Variants in RASEF observed in about 807,000 individuals in gnomAD.
RASEF encodes ras and EF-hand domain-containing protein.
In RASEF, 68 loss-of-function variants were observed where a neutral mutation model predicts 90.1. That is an observed-to-expected ratio of 0.75 (90% CI 0.62 to 0.92). The LOEUF (loss-of-function observed/expected upper bound fraction) is 0.92, where lower values mean the gene tolerates loss of function less well. RASEF is among the 40% of genes least tolerant of loss of function. The pLI is 0.00. For missense variants in RASEF, 949 were observed against 937.2 expected, an observed-to-expected ratio of 1.01 and a Z score of -0.16; for synonymous variants, 331 against 345.2, an observed-to-expected ratio of 0.96 and a Z score of 0.46.
chr9:82,984,185 A>G lies in RASEF; in HGVS notation c.2118-1403T>C, dbSNP rs999411178. Among the ~76,000 whole-genome samples, 220 of 152,338 alleles carry G rather than the reference A, an allele frequency of 1.4e-3. 1 individual carries two copies. The highest frequency in any genetic ancestry group is 5.0e-3 in the African/African-American group (206 of 41,570). ...TTTTAAAAGGTAAAAAGAAATAGGT[A>G]AAATTAATTTTATTAATATATTTTA... On this transcript the variant is annotated intron_variant, in intron 16 of 16. Transcript: ENST00000376447.
chr9:82,985,957 T>G (rs138476321), intron 16 of RASEF, among the ~76,000 whole-genome samples: 126 of 152,292 alleles, frequency 8.3e-4, no homozygotes, highest in Middle Eastern at 6.8e-3. Context: ...ACCATGGCTA[T>G]GGCGTTTCCG....
At chr9:83,145,319 C>T in the RASEF span, among the ~76,000 whole-genome samples, 1 of 152,060 alleles carries the variant, frequency 6.6e-6, no homozygotes, top group African/African-American at 2.4e-5. Context: ...AGCCCAGATC[C>T]CCCATCCAGG....
At chr9:83,150,751 T>A in the RASEF span, among the ~76,000 whole-genome samples, 1 of 152,164 alleles carries the variant, frequency 6.6e-6, no homozygotes, top group Non-Finnish European at 1.5e-5. Flanking sequence ...TGAAATAAAT[T>A]TAAGTTCTGT....
chr9:83,058,327 T>C (rs113635174), intron 1 of RASEF, among the ~76,000 whole-genome samples: 2,478 of 150,334 alleles, frequency 0.016, 135 homozygotes, highest in African/African-American at 0.058. Context: ...GGACTACAGG[T>C]GCCCGCTACC....
the RASEF span, among the ~76,000 whole-genome samples, chr9:83,129,231 C>T: frequency 2.0e-3 from 311 of 151,908 alleles, 1 homozygote; most frequent in Non-Finnish European, 3.7e-3. Flanking sequence ...ATGGTGAAAC[C>T]CTGTCTCTAC....
chr9:83,021,776 C>T (rs1364747721), intron 3 of RASEF, among the ~76,000 whole-genome samples: 2 of 152,130 alleles, frequency 1.3e-5, no homozygotes, highest in African/African-American at 4.8e-5. Flanking sequence ...TAAATATACA[C>T]CATTTATATA....
At chr9:83,213,398 TGA>T in the RASEF span, among the ~76,000 whole-genome samples, 2 of 134,898 alleles carry the variant, frequency 1.5e-5, no homozygotes, top group African/African-American at 6.5e-5. Context: ...AGACTTCATC[TGA>T]AAAAAAAAAA....
At chr9:83,136,965 A>T in the RASEF span, among the ~76,000 whole-genome samples, 1 of 152,192 alleles carries the variant, frequency 6.6e-6, no homozygotes, top group South Asian at 2.1e-4. Context: ...TCAAAAATGA[A>T]AAAGTTATTC....
At chr9:83,091,859 C>T in the RASEF span, among the ~76,000 whole-genome samples, 3 of 152,014 alleles carry the variant, frequency 2.0e-5, no homozygotes, top group Admixed American at 2.0e-4. Flanking sequence ...CCATCAGTAC[C>T]AAAATTTTGA....
intron 1 of RASEF, among the ~76,000 whole-genome samples, chr9:83,058,285 C>T (rs1454161598): frequency 6.9e-6 from 1 of 144,632 alleles, no homozygotes; most frequent in Non-Finnish European, 1.5e-5. Flanking sequence ...CGGGTTCACA[C>T]CATTCTCCTG....
At chr9:83,105,834 A>G in the RASEF span, among the ~76,000 whole-genome samples, 3 of 152,192 alleles carry the variant, frequency 2.0e-5, no homozygotes, top group Non-Finnish European at 4.4e-5. Context: ...CTCAATAATA[A>G]TAGGACTTTT....
chr9:83,087,437 C>CTCTCTCTCTCTCTCTG, the RASEF span, among the ~76,000 whole-genome samples: 1 of 151,856 alleles, frequency 6.6e-6, no homozygotes, highest in Non-Finnish European at 1.5e-5. Flanking sequence ...CTCTCTCTCT[C>CTCTCTCTCTCTCTCTG]TCTGTCTCTC....
At chr9:83,134,080 T>C in the RASEF span, among the ~76,000 whole-genome samples, 65 of 152,310 alleles carry the variant, frequency 4.3e-4, no homozygotes, top group African/African-American at 1.4e-3. Flanking sequence ...GACATACATG[T>C]AGATATCTGT....
chr9:83,088,379 T>TAGAC, the RASEF span, among the ~76,000 whole-genome samples: 5 of 150,478 alleles, frequency 3.3e-5, no homozygotes, highest in Middle Eastern at 3.5e-3. Flanking sequence ...GATGGATAGA[T>TAGAC]AGATAGATAG....
intron 14 of RASEF, among the ~76,000 whole-genome samples, chr9:82,996,728 T>G (rs959725099): frequency 6.6e-6 from 1 of 152,166 alleles, no homozygotes; most frequent in Non-Finnish European, 1.5e-5. Flanking sequence ...CTACCTGGAT[T>G]TTTACTTGCT....
the RASEF span, among the ~76,000 whole-genome samples, chr9:83,183,503 A>G: frequency 3.9e-5 from 6 of 152,328 alleles, no homozygotes; most frequent in African/African-American, 1.4e-4. Context: ...TGGTATGAAT[A>G]TACTATAAAT....
At chr9:83,146,584 G>A in the RASEF span, among the ~76,000 whole-genome samples, 1 of 152,146 alleles carries the variant, frequency 6.6e-6, no homozygotes. Context: ...GTGAACTTGG[G>A]TGAAAGTTGA....
intron 2 of RASEF, among the ~76,000 whole-genome samples, chr9:83,022,985 T>C (rs1829470652): frequency 6.6e-6 from 1 of 152,144 alleles, no homozygotes; most frequent in African/African-American, 2.4e-5. Flanking sequence ...AATTAATAAA[T>C]TGGATAAAAT....
chr9:83,000,868 T>C (rs1392468913), intron 10 of RASEF, 28 bp downstream of exon 10: 2 of 1,562,012 alleles, frequency 1.3e-6, no homozygotes, highest in Admixed American at 1.7e-5. Context: ...GTAGAAGGCC[T>C]AGGAGAGCAG....
Sources: allele counts gnomAD v4.1 joint callset (sites outside exome capture counted in the v4.1 genomes callset), GRCh38; gene constraint gnomAD v4.1.1; transcripts MANE v1.5; gene names NCBI Gene and HGNC (gene_info 2026-07-23, HGNC 2026-07-21).